Variants in CSAD observed in about 807,000 individuals in gnomAD.
CSAD encodes the protein P-selectin cytoplasmic tail-associated protein.
A neutral mutation model predicts 61.5 loss-of-function variants in CSAD; 47 were observed. The ratio of observed to expected loss-of-function variants is 0.76; its 90% CI spans 0.60 to 0.97. The LOEUF is 0.97. CSAD is among the 50% of genes least tolerant of loss of function. CSAD has a pLI of 0.00. For missense variants in CSAD, 611 were observed against 643.6 expected, an observed-to-expected ratio of 0.95 and a Z score of 0.55; for synonymous variants, 245 against 252.7, an observed-to-expected ratio of 0.97 and a Z score of 0.29.
At position 53,157,766 on chromosome 12, in the gene CSAD, T is replaced by C. The variant is rs1393819137; in HGVS notation, c.*745A>G. On this transcript the variant is annotated 3_prime_UTR_variant, in exon 17 of 17. Transcript: ENST00000444623. ...TCAAAAGATATAAAGAAGTCTATGT[T>C]TTTTTTGTTTGTTTGTTTTTTTAAA... The C allele has an allele frequency of 6.6e-6, 1 of 152,158 alleles. No individual in the cohort carries two copies. 9.4% of individuals were successfully genotyped at this position (152,158 alleles called of 1,614,324 possible). A position where few individuals can be genotyped will look rare whatever the true frequency, so the allele number is the denominator to read the frequency against.
chr12:53,173,395 C>A lies in CSAD; in HGVS notation c.76G>T (p.Gly26Trp). 1 of 1,614,214 alleles carries A rather than the reference C, an allele frequency of 6.2e-7. No homozygotes were observed. The highest frequency in any genetic ancestry group is 1.1e-5 in the South Asian group (1 of 91,082). ...AVEALLRAVF[G>W]VVVDEAIQKG... ...TGAATGGCCTCATCCACAACAACCC[C>A]AAACACGGCCCGGAGCAAGGCTTCC... The change falls in exon 4 of 17, where the codon GGG (glycine) becomes TGG (tryptophan). Residue 26 changes from glycine (G) to tryptophan (W), a missense_variant. Coordinates refer to ENST00000444623, the MANE Select transcript of CSAD (RefSeq NM_001244705.2).
intron 2 of CSAD, among the ~76,000 whole-genome samples, chr12:53,177,652 T>TA (rs1941209147): frequency 6.6e-6 from 1 of 151,950 alleles, no homozygotes; most frequent in East Asian, 1.9e-4. Flanking sequence ...TTTATTTATT[T>TA]TTTGAGACAG....
At chr12:53,169,891 G>C (rs1007496595) in intron 10 of CSAD, among the ~76,000 whole-genome samples, 181 bp downstream of exon 10, 1 of 152,140 alleles carries the variant, frequency 6.6e-6, no homozygotes, top group Non-Finnish European at 1.5e-5. Context: ...GTAGGTGTCT[G>C]GGCAGAGCCC....
chr12:53,172,221 T>C, intron 6 of CSAD, 125 bp downstream of exon 6: 1 of 968,888 alleles, frequency 1.0e-6, no homozygotes, highest in Non-Finnish European at 1.6e-6. Context: ...AAAAACTCTC[T>C]GCCGACAGGG....
chr12:53,161,337 G>T lies in CSAD; in HGVS notation c.755C>A (p.Ala252Asp). 1 of 1,614,078 alleles carries T rather than the reference G, an allele frequency of 6.2e-7. No individual in the cohort carries two copies. The highest frequency in any genetic ancestry group is 8.5e-7 in the Non-Finnish European group (1 of 1,180,014). The change falls in exon 11 of 17, where the codon GCC (alanine) becomes GAC (aspartate). Residue 252 changes from alanine (A) to aspartate (D), a missense_variant. Ala to Asp is a moderately radical substitution (Grantham distance 126). Transcript: ENST00000444623. Reference sequence around the variant, plus strand: ...AGCAATTGCCTCCAGGGGGTCAAAGGCCCCTAGCACAGTGGTGCCAGAGGT... The same window carrying T: ...AGCAATTGCCTCCAGGGGGTCAAAGTCCCCTAGCACAGTGGTGCCAGAGGT... Reference protein sequence around the residue: ...SATSGTTVLGAFDPLEAIADV... With the variant: ...SATSGTTVLGDFDPLEAIADV...
chr12:53,173,898 C>A, intron 2 of CSAD, 128 bp from the exon 3 acceptor site: 5 of 944,672 alleles, frequency 5.3e-6, no homozygotes, highest in Admixed American at 2.6e-5. Flanking sequence ...TTTTCATCAC[C>A]CAAAAAAAAA....
At chr12:53,170,234 G>A (rs1188595879) in intron 9 of CSAD, 108 bp from the exon 10 acceptor site, 5 of 1,125,084 alleles carry the variant, frequency 4.4e-6, no homozygotes, top group Middle Eastern at 1.9e-4. Context: ...TCCCTCAGGG[G>A]GTGAAACAGA....
intron 3 of CSAD, 58 bp from the exon 4 acceptor site, chr12:53,173,534 A>T: frequency 6.2e-7 from 1 of 1,612,854 alleles, no homozygotes; most frequent in East Asian, 2.2e-5. Flanking sequence ...GGACCTACCC[A>T]GCAGGAGCCT....
At position 53,173,254 on chromosome 12, in the gene CSAD, A is replaced by AG. The variant is rs67334572; in HGVS notation, c.126+90dup. 7,154 of 1,058,236 alleles carry AG rather than the reference A, an allele frequency of 6.8e-3. 15 individuals carry two copies. Among genetic ancestry groups the AG allele is most frequent in the South Asian group, 0.01 (659 of 63,320 alleles). 65.6% of individuals were successfully genotyped at this position (1,058,236 alleles called of 1,614,324 possible). ...AAAGGAAGGAAGAAAGAAGGAAGGA[A>AG]GGGGGGGGGAGAAAGAAAAGAAAGG... On this transcript the variant is annotated intron_variant, in intron 4 of 16. Transcript: ENST00000444623.
chr12:53,159,566 A>G, intron 16 of CSAD, 57 bp downstream of exon 16: 4 of 1,451,812 alleles, frequency 2.8e-6, no homozygotes, highest in Middle Eastern at 1.9e-4. Context: ...AGGGGGCAGA[A>G]GCGCATCAGT....
At chr12:53,180,707 C>G in intron 1 of CSAD, 25 bp downstream of exon 1, 1 of 1,269,794 alleles carries the variant, frequency 7.9e-7, no homozygotes, top group Non-Finnish European at 1.0e-6. Flanking sequence ...GGGAAACGGG[C>G]CGGGGTTGGT....
chr12:53,173,221 A>G, intron 4 of CSAD, 124 bp downstream of exon 4: 1 of 921,778 alleles, frequency 1.1e-6, no homozygotes, highest in South Asian at 1.8e-5. Flanking sequence ...AGAAAGGAAG[A>G]AAGGAAAAAA....
Position 53,161,299 on chromosome 12 carries a change from G to A in CSAD, c.793C>T (p.Arg265Cys), listed in dbSNP as rs756706216. Residue 265 changes from arginine to cysteine, a missense_variant, in exon 11 of 17, where the codon CGT becomes TGT. Coordinates refer to ENST00000444623, the MANE Select transcript of CSAD (RefSeq NM_001244705.2). ...TCCACATGCAGCCATAGCCCATGACGCTGGCACACATCAGCAATTGCCTCC... is the reference window on the plus strand; with the variant it reads ...TCCACATGCAGCCATAGCCCATGACACTGGCACACATCAGCAATTGCCTCC... ...PLEAIADVCQ[R>C]HGLWLHVDAA... 1.2e-5 allele frequency: 20 copies of A among 1,613,916 alleles called. No homozygotes were observed. The highest frequency in any genetic ancestry group is 1.1e-4 in the South Asian group (10 of 91,082).
intron 8 of CSAD, 70 bp from the exon 9 acceptor site, chr12:53,170,572 G>A (rs980142449): frequency 3.3e-6 from 4 of 1,196,964 alleles, no homozygotes; most frequent in Non-Finnish European, 5.0e-6. Flanking sequence ...AAAGTCAAGT[G>A]TGAGCTCCAA....
At chr12:53,171,005 G>A (rs1940511740) in intron 8 of CSAD, 3 of 496,162 alleles carry the variant, frequency 6.0e-6, no homozygotes, top group Non-Finnish European at 1.1e-5. Context: ...ACAGGCGTGA[G>A]TCACCGTGCC....
chr12:53,166,520 G>C (rs531677390), intron 10 of CSAD, among the ~76,000 whole-genome samples: 5 of 152,238 alleles, frequency 3.3e-5, no homozygotes, highest in South Asian at 2.1e-4. Flanking sequence ...GAGTTCTGCT[G>C]GGTGTGGTGG....
At chr12:53,170,690 C>T in intron 8 of CSAD, 188 bp from the exon 9 acceptor site, 1 of 591,342 alleles carries the variant, frequency 1.7e-6, no homozygotes. Flanking sequence ...GGTCTGGGGT[C>T]TAGGGTGGGG....
chr12:53,176,438 G>A (rs562256194), intron 2 of CSAD, among the ~76,000 whole-genome samples: 3 of 151,570 alleles, frequency 2.0e-5, no homozygotes, highest in African/African-American at 7.3e-5. Flanking sequence ...TACCAGAAGG[G>A]GCTGGGAGCA....
Position 53,171,460 on chromosome 12 carries a change from G to A in CSAD, c.452-19C>T, listed in dbSNP as rs375385206. On this transcript the variant is annotated intron_variant, in intron 7 of 16. Transcript: ENST00000444623. Reference sequence around the variant, plus strand: ...GAGCCACCTGTCACAGGGAGGGGGCGGTGGCAAGAGGAAGGAGCAGTGGGT... The same window carrying A: ...GAGCCACCTGTCACAGGGAGGGGGCAGTGGCAAGAGGAAGGAGCAGTGGGT... 548 of 1,611,740 alleles carry A rather than the reference G, an allele frequency of 3.4e-4. 1 individual carries two copies. The highest frequency in any genetic ancestry group is 4.3e-4 in the Non-Finnish European group (511 of 1,179,352).
Sources: gnomAD v4.1 joint callset for allele counts (sites outside exome capture counted in the v4.1 genomes callset) on GRCh38, gnomAD v4.1.1 for gene constraint, MANE v1.5 for transcripts, NCBI Gene and HGNC (gene_info 2026-07-23, HGNC 2026-07-21) for gene names.